PCNX2: variants seen among roughly 807,000 people sequenced by gnomAD.
PCNX2 encodes pecanex 2, also known as pecanex-like protein 2.
Under a neutral mutation model 223.8 loss-of-function variants are expected in PCNX2, and 168 were observed. The observed-to-expected ratio is 0.75, with a 90% confidence interval of 0.66 to 0.85. The LOEUF (loss-of-function observed/expected upper bound fraction) is 0.85. PCNX2 is among the 40% of genes least tolerant of loss of function. The pLI, the probability that PCNX2 is intolerant of heterozygous loss-of-function variation, is 0.00. For missense variants in PCNX2, 2,507 were observed against 2,675.5 expected, an observed-to-expected ratio of 0.94 and a Z score of 1.39; for synonymous variants, 1,006 against 1,052.6, an observed-to-expected ratio of 0.96 and a Z score of 0.86.
At chr1:233,023,938 C>T (rs779651152) in intron 26 of PCNX2, among the ~76,000 whole-genome samples, 2 of 152,170 alleles carry the variant, frequency 1.3e-5, no homozygotes, top group Non-Finnish European at 2.9e-5. Flanking sequence ...TTGTGGATTT[C>T]GGGAATCCCC....
chr1:233,254,089 G>A (rs1242569874), intron 5 of PCNX2, among the ~76,000 whole-genome samples: 1 of 152,204 alleles, frequency 6.6e-6, no homozygotes, highest in East Asian at 1.9e-4. Context: ...CTGTGTTAGT[G>A]TCTGTGGGAT....
chr1:233,273,987 T>C (rs989307166), intron 1 of PCNX2, among the ~76,000 whole-genome samples: 11 of 152,206 alleles, frequency 7.2e-5, no homozygotes, highest in African/African-American at 2.7e-4. Flanking sequence ...CTGGCTCCCA[T>C]TGTTTTAATA....
intron 1 of PCNX2, among the ~76,000 whole-genome samples, chr1:233,266,263 C>T (rs962424105): frequency 1.3e-5 from 2 of 152,198 alleles, no homozygotes; most frequent in African/African-American, 2.4e-5. Flanking sequence ...ATCCGAGCTT[C>T]TCAAAAGGCT....
intron 15 of PCNX2, among the ~76,000 whole-genome samples, chr1:233,198,051 T>G (rs77956966): frequency 0.012 from 1,836 of 152,208 alleles, 18 homozygotes; most frequent in Non-Finnish European, 0.017. Flanking sequence ...ATGGCCACTC[T>G]ACAGCTCTAC....
chr1:233,294,027 T>C, intron 1 of PCNX2: 1 of 974,174 alleles, frequency 1.0e-6, no homozygotes, highest in Non-Finnish European at 1.2e-6. Context: ...AGTTTCTGTA[T>C]TTAATGCTTT....
chr1:233,116,375 T>TAC (rs1373562172), intron 21 of PCNX2, among the ~76,000 whole-genome samples: 1 of 151,608 alleles, frequency 6.6e-6, no homozygotes, highest in Non-Finnish European at 1.5e-5. Flanking sequence ...TATTCTAGGC[T>TAC]ACACACACAC....
chr1:233,038,293 C>T (rs537104715), intron 25 of PCNX2, among the ~76,000 whole-genome samples: 1 of 152,098 alleles, frequency 6.6e-6, no homozygotes, highest in East Asian at 1.9e-4. Flanking sequence ...ATGATTTCCC[C>T]CTACTACTGC....
chr1:233,162,333 A>G (rs1678537412), intron 17 of PCNX2, among the ~76,000 whole-genome samples: 1 of 152,180 alleles, frequency 6.6e-6, no homozygotes, highest in Admixed American at 6.5e-5. Context: ...TGTTACCTGA[A>G]AAGTCTGAAA....
At chr1:233,238,693 C>A (rs371270637) in intron 8 of PCNX2, among the ~76,000 whole-genome samples, 411 of 130,448 alleles carry the variant, frequency 3.2e-3, no homozygotes, top group Non-Finnish European at 3.0e-3. Flanking sequence ...GATCCTGTCT[C>A]AAAAAAAAAA....
chr1:233,256,529 C>A (rs886180245), intron 5 of PCNX2, among the ~76,000 whole-genome samples: 2 of 152,102 alleles, frequency 1.3e-5, no homozygotes, highest in African/African-American at 4.8e-5. Context: ...AATACAGTAG[C>A]CAATAGCCAC....
At chr1:233,044,188 T>C (rs996966614) in intron 25 of PCNX2, among the ~76,000 whole-genome samples, 1 of 152,230 alleles carries the variant, frequency 6.6e-6, no homozygotes, top group African/African-American at 2.4e-5. Context: ...ATGTGTTTTT[T>C]GGCTGCATAA....
intron 25 of PCNX2, among the ~76,000 whole-genome samples, chr1:233,048,056 A>T (rs1312079410): frequency 6.6e-6 from 1 of 152,238 alleles, no homozygotes; most frequent in African/African-American, 2.4e-5. Context: ...TACCAAGAAG[A>T]ACTCTTAAAA....
chr1:233,323,133 A>AAAAGGTGGCACC, the PCNX2 span, among the ~76,000 whole-genome samples: 24 of 152,330 alleles, frequency 1.6e-4, no homozygotes, highest in South Asian at 5.0e-3. Flanking sequence ...ACCAGAACTC[A>AAAAGGTGGCACC]TTTGGCATCA....
intron 8 of PCNX2, among the ~76,000 whole-genome samples, chr1:233,241,923 G>C (rs1284617671): frequency 6.6e-6 from 1 of 152,106 alleles, no homozygotes; most frequent in Non-Finnish European, 1.5e-5. Flanking sequence ...AAACAGACAT[G>C]ATTATTTATT....
Position 233,259,201 on chromosome 1 carries a change from C to A in PCNX2, c.661G>T (p.Glu221Ter), listed in dbSNP as rs777401299. ...SVIPVKPVATETLINGKGKER... is the reference protein window; with the variant it reads ...SVIPVKPVAT ...TTTCCTTTACCATTGATGAGAGTTT[C>A]TGTGGCAACTGGTTTTACAGGTATT... Residue 221 changes from glutamate to a stop codon, truncating the protein, a stop_gained, in exon 5 of 34, where the codon GAA (glutamate) becomes TAA (stop). Coordinates refer to ENST00000258229, the MANE Select transcript of PCNX2 (RefSeq NM_014801.4). LOFTEE classifies it high-confidence loss of function. 1 of 1,613,926 alleles carries A rather than the reference C, an allele frequency of 6.2e-7. No individual in the cohort carries two copies. Among genetic ancestry groups the A allele is most frequent in the Non-Finnish European group, 8.5e-7 (1 of 1,179,866 alleles).
intron 21 of PCNX2, among the ~76,000 whole-genome samples, chr1:233,114,687 T>C (rs1459346831): frequency 1.3e-5 from 2 of 152,216 alleles, no homozygotes; most frequent in South Asian, 2.1e-4. Flanking sequence ...CAGAAAACTC[T>C]GGACTACGGA....
In PCNX2 at chr1:233,001,414, G is replaced by A; in HGVS notation, c.5097+123C>T. 2.0e-6 allele frequency: 1 copy of A among 507,746 alleles called. No homozygotes were observed. The highest frequency in any genetic ancestry group is 2.7e-6 in the Non-Finnish European group (1 of 366,880). The allele number at this position is 507,746 out of a possible 1,614,324, so 31.5% of individuals were successfully genotyped here. A position where few individuals can be genotyped will look rare whatever the true frequency, so the allele number is the denominator to read the frequency against. ...GAATCGCTTGAACCCGGGAGGTGGA[G>A]GTTGTGGTGAGCCGAGATTGTGCCA... On this transcript the variant is annotated intron_variant, in intron 29 of 33. Transcript: ENST00000258229. The surrounding 1 kb of genome is among the most constrained non-coding windows in gnomAD (Gnocchi z 4.2).
intron 21 of PCNX2, among the ~76,000 whole-genome samples, chr1:233,103,652 A>C (rs138769023): frequency 0.021 from 3,146 of 152,232 alleles, 38 homozygotes; most frequent in Middle Eastern, 0.051. Context: ...ATTGTGTATA[A>C]GTACCACATT....
chr1:233,241,375 G>T, intron 8 of PCNX2: 2 of 985,432 alleles, frequency 2.0e-6, no homozygotes, highest in Non-Finnish European at 2.4e-6. Context: ...AGTCTTTCTA[G>T]AATCAACCTC....
Sources: gnomAD v4.1 joint callset for allele counts (sites outside exome capture counted in the v4.1 genomes callset) on GRCh38, gnomAD v4.1.1 for gene constraint, Gnocchi (gnomAD v3.1) non-coding constraint, MANE v1.5 for transcripts, NCBI Gene and HGNC (gene_info 2026-07-23, HGNC 2026-07-21) for gene names.